The following ARMC6 variants were observed in gnomAD, a reference collection of about 807,000 sequenced individuals.
ARMC6 encodes armadillo repeat containing 6.
ARMC6 carries 43 observed loss-of-function variants against 49.2 expected under a neutral mutation model. That is an observed-to-expected ratio of 0.87 (90% CI 0.69 to 1.13). The LOEUF (loss-of-function observed/expected upper bound fraction) is 1.13. Among genes scored for constraint, ARMC6 ranks in the 50% most tolerant of loss-of-function variants. The probability of loss-of-function intolerance (pLI) is 0.00; values close to 1 mark genes in which losing one functional copy is unlikely to be tolerated. For missense variants in ARMC6, 627 were observed against 682.0 expected (o/e 0.92, Z 0.90); for synonymous variants, 262 against 289.6 (o/e 0.90, Z 0.97).
chr19:19,044,921 C>T (rs1031561401), intron 4 of ARMC6, among the ~76,000 whole-genome samples: 1 of 152,186 alleles, frequency 6.6e-6, no homozygotes, highest in African/African-American at 2.4e-5. Context: ...CCTCTCCTGC[C>T]TTGAGGAGGT....
At position 19,055,508 on chromosome 19, in the gene ARMC6, A is replaced by G; in HGVS notation, c.1155+112A>G. Reference sequence around the variant, plus strand: ...CTGCAGGGCCAGGGCAGGGCTGGTGAGGGTCGTGGGCATTGGCTCTCAAAT... The same window carrying G: ...CTGCAGGGCCAGGGCAGGGCTGGTGGGGGTCGTGGGCATTGGCTCTCAAAT... On this transcript the variant is annotated intron_variant, in intron 7 of 8. Coordinates refer to ENST00000535612, the MANE Select transcript of ARMC6 (RefSeq NM_001199196.2). The surrounding 1 kb of genome is among the most constrained non-coding windows in gnomAD (Gnocchi z 5.7). 1 of 1,441,442 alleles carries G rather than the reference A, an allele frequency of 6.9e-7. No homozygotes were observed. The highest frequency in any genetic ancestry group is 1.4e-5 in the South Asian group (1 of 70,824). The allele number at this position is 1,441,442 out of a possible 1,614,324, so 89.3% of individuals were successfully genotyped here. A position where few individuals can be genotyped will look rare whatever the true frequency, so the allele number is the denominator to read the frequency against.
chr19:19,039,454 G>A (rs182804397), intron 2 of ARMC6: 36 of 425,264 alleles, frequency 8.5e-5, no homozygotes, highest in East Asian at 7.5e-4. Context: ...GTGATTTTAC[G>A]TTTTCACAGA....
At chr19:19,043,955 C>T in intron 3 of ARMC6, 37 bp from the exon 4 acceptor site, 1 of 1,585,580 alleles carries the variant, frequency 6.3e-7, no homozygotes, top group African/African-American at 1.3e-5. Context: ...CACTTTCTTT[C>T]TGACCCCTGT....
In ARMC6 at chr19:19,055,771, T is replaced by C. The variant is rs1294498228; in HGVS notation, c.1156-20T>C. 6.5e-7 allele frequency: 1 copy of C among 1,542,586 alleles called. No individual in the cohort carries two copies. The highest frequency in any genetic ancestry group is 1.4e-5 in the African/African-American group (1 of 73,770). Reference sequence around the variant, plus strand: ...GGTCTATCTGCTGCATCTCAGCCTTTCTGTGACTGGCCCCTGCAGGTGTGT... The same window carrying C: ...GGTCTATCTGCTGCATCTCAGCCTTCCTGTGACTGGCCCCTGCAGGTGTGT... On this transcript the variant is annotated intron_variant, in intron 7 of 8. Coordinates refer to ENST00000535612, the MANE Select transcript of ARMC6 (RefSeq NM_001199196.2). The surrounding 1 kb of genome is among the most constrained non-coding windows in gnomAD (Gnocchi z 5.7).
rs2059537279 is a variant in ARMC6, at chr19:19,055,598, ACCAGG to A, written c.1156-190_1156-186del. Among the ~76,000 whole-genome samples, 1 of 152,158 alleles carries A rather than the reference ACCAGG, an allele frequency of 6.6e-6. No individual in the cohort carries two copies. The highest frequency in any genetic ancestry group is 1.5e-5 in the Non-Finnish European group (1 of 68,028). ...ACCACCAGCACCCTGCAAAGATCTG[ACCAGG>A]CCTATTGCCCTTGTCACCCCTAAGA... On this transcript the variant is annotated intron_variant, in intron 7 of 8. Coordinates refer to ENST00000535612, the MANE Select transcript of ARMC6 (RefSeq NM_001199196.2). The surrounding 1 kb of genome is among the most constrained non-coding windows in gnomAD (Gnocchi z 5.7).
rs769945048 is a variant in ARMC6 at position 19,042,804 on chromosome 19, C to G, written c.123C>G (p.Arg41=). ...AGGAGACCTTTGATGCAGCTGTGCG[C>G]GAGAACATCGAGGAGTTTGCGATGG... is the stretch of plus-strand genomic sequence containing the variant. ...IAQETFDAAV[R]ENIEEFAMGP... is the part of the protein sequence containing the mutation. Residue 41 remains arginine, a synonymous_variant, in exon 3 of 9, where the codon CGC becomes CGG. Coordinates refer to ENST00000535612, the MANE Select transcript of ARMC6 (RefSeq NM_001199196.2). 2 of 1,613,990 alleles carry G rather than the reference C, an allele frequency of 1.2e-6. No individual in the cohort carries two copies. The highest frequency in any genetic ancestry group is 1.7e-5 in the Admixed American group (1 of 60,010).
intron 2 of ARMC6, among the ~76,000 whole-genome samples, chr19:19,038,896 T>TAC (rs1249137405): frequency 5.4e-5 from 3 of 55,108 alleles, no homozygotes; most frequent in African/African-American, 1.5e-4. Flanking sequence ...GGTTTGTGTG[T>TAC]ATACACACAC....
intron 8 of ARMC6, among the ~76,000 whole-genome samples, chr19:19,056,239 A>G (rs1220671548): frequency 1.3e-5 from 2 of 150,286 alleles, no homozygotes; most frequent in Non-Finnish European, 2.9e-5. Context: ...AAAGAAAGCT[A>G]TAACACGTAA....
At chr19:19,036,325 A>G (rs918696041) in intron 2 of ARMC6, among the ~76,000 whole-genome samples, 4 of 152,074 alleles carry the variant, frequency 2.6e-5, no homozygotes, top group African/African-American at 9.7e-5. Context: ...GCCTCCCAAA[A>G]TGCTGGGATT....
At chr19:19,037,864 G>A (rs1267882443) in intron 2 of ARMC6, among the ~76,000 whole-genome samples, 1 of 152,208 alleles carries the variant, frequency 6.6e-6, no homozygotes, top group Non-Finnish European at 1.5e-5. Flanking sequence ...ATCTACAGCA[G>A]GGGTCCCCAA....
intron 1 of ARMC6, 63 bp downstream of exon 1, chr19:19,033,993 T>G: frequency 3.7e-6 from 2 of 543,092 alleles, no homozygotes; most frequent in Non-Finnish European, 6.6e-6. Flanking sequence ...TGCCGCAGGG[T>G]CGGGCTGGCG....
chr19:19,051,440 GAAGCTCA>G (rs1223297307), intron 4 of ARMC6, among the ~76,000 whole-genome samples, 175 bp from the exon 5 acceptor site: 1 of 149,256 alleles, frequency 6.7e-6, no homozygotes, highest in Admixed American at 6.8e-5. Flanking sequence ...TATGGCCTCT[GAAGCTCA>G]AAGCTCCTAG....
At chr19:19,049,312 C>T (rs1318655291) in intron 4 of ARMC6, among the ~76,000 whole-genome samples, 1 of 152,018 alleles carries the variant, frequency 6.6e-6, no homozygotes, top group African/African-American at 2.4e-5. Context: ...CCTTGGCCTC[C>T]CAAAGTGAAG....
chr19:19,044,070 T>C lies in ARMC6; in HGVS notation c.275T>C (p.Leu92Pro), dbSNP rs1164005568. ...DGSQEPTHDI[L>P]QMLSDLQESV... ...TCCCAGGAGCCCACACATGACATCCTGCAGGTAGGAGTGGGCATCCCACAC... is the reference window on the plus strand; with the variant it reads ...TCCCAGGAGCCCACACATGACATCCCGCAGGTAGGAGTGGGCATCCCACAC... The change falls in exon 4 of 9, where the codon CTG becomes CCG. Residue 92 changes from leucine (L) to proline (P), a missense_variant. Transcript: ENST00000535612. The C allele has an allele frequency of 1.9e-6, 3 of 1,613,844 alleles. No homozygotes were observed. In the African/African-American group the frequency reaches 4.0e-5, roughly 22 times the overall value.
chr19:19,048,471 C>T (rs139936176), intron 4 of ARMC6, among the ~76,000 whole-genome samples: 5 of 150,910 alleles, frequency 3.3e-5, no homozygotes, highest in African/African-American at 1.2e-4. Context: ...TGCAGTAAGC[C>T]GAGATCATGC....
chr19:19,045,713 G>C (rs139268158), intron 4 of ARMC6, among the ~76,000 whole-genome samples: 1 of 150,228 alleles, frequency 6.7e-6, no homozygotes, highest in Non-Finnish European at 1.5e-5. Flanking sequence ...GTGCAGTGGC[G>C]TGATCTTGGC....
At chr19:19,050,657 T>C (rs2145870422) in intron 4 of ARMC6, among the ~76,000 whole-genome samples, 1 of 152,378 alleles carries the variant, frequency 6.6e-6, no homozygotes, top group South Asian at 2.1e-4. Context: ...TTTTTGTTGT[T>C]TTTTGTTTTT....
At chr19:19,037,379 CTT>C (rs34331029) in intron 2 of ARMC6, among the ~76,000 whole-genome samples, 19 of 140,814 alleles carry the variant, frequency 1.3e-4, no homozygotes, top group Non-Finnish European at 1.4e-4. Flanking sequence ...TTTCTTTTTC[CTT>C]TTTTTTTTTT....
chr19:19,038,769 T>A (rs1432851036), intron 2 of ARMC6, among the ~76,000 whole-genome samples: 1 of 152,044 alleles, frequency 6.6e-6, no homozygotes, highest in African/African-American at 2.4e-5. Context: ...TTTCGCCATG[T>A]TGGTCTTGAA....
Sources: gnomAD v4.1 joint callset for allele counts (sites outside exome capture counted in the v4.1 genomes callset) on GRCh38, gnomAD v4.1.1 for gene constraint, Gnocchi (gnomAD v3.1) non-coding constraint, MANE v1.5 for transcripts, NCBI Gene and HGNC (gene_info 2026-07-23, HGNC 2026-07-21) for gene names.